Variants in DTNB observed in about 807,000 individuals in gnomAD.
The protein encoded by DTNB is dystrobrevin beta.
DTNB carries 63 observed loss-of-function variants against 90.7 expected under a neutral mutation model. The ratio of observed to expected loss-of-function variants is 0.69; its 90% CI spans 0.57 to 0.86. The LOEUF (loss-of-function observed/expected upper bound fraction) is 0.86. Ranked by LOEUF, DTNB falls within the 40% of genes least tolerant of loss-of-function variation. DTNB has a pLI of 0.00. For missense variants in DTNB, 744 were observed against 807.1 expected, an observed-to-expected ratio of 0.92 and a Z score of 0.95; for synonymous variants, 277 against 286.7, an observed-to-expected ratio of 0.97 and a Z score of 0.34.
At chr2:25,397,173 A>C (rs2042586777) in intron 16 of DTNB, among the ~76,000 whole-genome samples, 2 of 152,014 alleles carry the variant, frequency 1.3e-5, no homozygotes, top group Non-Finnish European at 2.9e-5. Context: ...CCAAATGTTC[A>C]TAGCAGCGTT....
At chr2:25,644,099 T>C (rs939554249) in intron 2 of DTNB, among the ~76,000 whole-genome samples, 7 of 152,226 alleles carry the variant, frequency 4.6e-5, no homozygotes, top group African/African-American at 1.7e-4. Flanking sequence ...CCACCTCTTG[T>C]TTAGCATATC....
chr2:25,612,967 T>C (rs1274397465), intron 4 of DTNB, among the ~76,000 whole-genome samples: 1 of 152,194 alleles, frequency 6.6e-6, no homozygotes, highest in Non-Finnish European at 1.5e-5. Context: ...CTGAAGGCTG[T>C]ACTGGAGATC....
chr2:25,445,725 CTT>C, intron 12 of DTNB, among the ~76,000 whole-genome samples: 1 of 152,144 alleles, frequency 6.6e-6, no homozygotes, highest in Non-Finnish European at 1.5e-5. Context: ...ACTTCATTCT[CTT>C]TACCTGGTTA....
At chr2:25,417,654 G>A (rs1482011392) in intron 16 of DTNB, among the ~76,000 whole-genome samples, 2 of 152,184 alleles carry the variant, frequency 1.3e-5, no homozygotes, top group Non-Finnish European at 2.9e-5. Context: ...TTTGCAGCAA[G>A]TAGCTGCAGC....
At chr2:25,463,954 G>A (rs1298932422) in intron 10 of DTNB, among the ~76,000 whole-genome samples, 1 of 152,186 alleles carries the variant, frequency 6.6e-6, no homozygotes, top group African/African-American at 2.4e-5. Context: ...AGGCTGCACT[G>A]GAGTGCAGTG....
chr2:25,470,008 C>G (rs774025519), intron 10 of DTNB, among the ~76,000 whole-genome samples: 1 of 152,178 alleles, frequency 6.6e-6, no homozygotes, highest in Non-Finnish European at 1.5e-5. Flanking sequence ...GAGACCAGAT[C>G]GCCCCAAGAA....
chr2:25,664,126 A>C (rs1490593708), intron 1 of DTNB, among the ~76,000 whole-genome samples: 1 of 152,212 alleles, frequency 6.6e-6, no homozygotes, highest in African/African-American at 2.4e-5. Flanking sequence ...AGTGTATATA[A>C]GTCCATATTT....
chr2:25,389,712 C>T (rs2040532926), intron 16 of DTNB, among the ~76,000 whole-genome samples: 1 of 151,936 alleles, frequency 6.6e-6, no homozygotes, highest in Admixed American at 6.6e-5. Flanking sequence ...AGCTAGAAAC[C>T]CCATATACAA....
chr2:25,669,899 T>C (rs1438056036), intron 1 of DTNB, among the ~76,000 whole-genome samples: 3 of 148,860 alleles, frequency 2.0e-5, no homozygotes, highest in Non-Finnish European at 4.4e-5. Context: ...AGGAAGACCC[T>C]ATCTCAAAAA....
chr2:25,659,365 AT>A (rs1256071909), intron 1 of DTNB, among the ~76,000 whole-genome samples: 1 of 152,218 alleles, frequency 6.6e-6, no homozygotes, highest in Non-Finnish European at 1.5e-5. Context: ...ACAGTAACAA[AT>A]TCAAAAGAAT....
At chr2:25,449,018 A>G (rs2058857764) in intron 12 of DTNB, among the ~76,000 whole-genome samples, 1 of 152,150 alleles carries the variant, frequency 6.6e-6, no homozygotes, top group African/African-American at 2.4e-5. Flanking sequence ...TTATCTGATT[A>G]TGATTAGGAG....
At chr2:25,624,418 C>A (rs1268164093) in intron 4 of DTNB, among the ~76,000 whole-genome samples, 4 of 152,192 alleles carry the variant, frequency 2.6e-5, no homozygotes, top group Non-Finnish European at 4.4e-5. Context: ...AAAGAGGAGG[C>A]ATTTAGTAGA....
At chr2:25,645,259 T>C (rs1379401087) in intron 2 of DTNB, among the ~76,000 whole-genome samples, 1 of 151,104 alleles carries the variant, frequency 6.6e-6, no homozygotes, top group Non-Finnish European at 1.5e-5. Flanking sequence ...GGTGCACGCC[T>C]GTAATCCCAG....
chr2:25,534,601 G>A (rs911164428), intron 8 of DTNB, among the ~76,000 whole-genome samples: 2 of 151,172 alleles, frequency 1.3e-5, no homozygotes, highest in Non-Finnish European at 3.0e-5. Context: ...GCTGGGCAGA[G>A]GCACTCCTCA....
chr2:25,501,814 T>C (rs1307686778), intron 9 of DTNB, among the ~76,000 whole-genome samples: 1 of 152,158 alleles, frequency 6.6e-6, no homozygotes, highest in Admixed American at 6.5e-5. Context: ...ATCCTGAGTA[T>C]TAAATTAAAT....
At position 25,506,923 on chromosome 2, in the gene DTNB, A is replaced by T. The variant is rs181670088; in HGVS notation, c.1002-24050T>A. Reference sequence around the variant, plus strand: ...ATCTCTCACCAAAATTCAATAATTAACACAAAGCATCAAAGAATACAAAAA... The same window carrying T: ...ATCTCTCACCAAAATTCAATAATTATCACAAAGCATCAAAGAATACAAAAA... On this transcript the variant is annotated intron_variant, in intron 9 of 20. Coordinates refer to ENST00000406818, the MANE Select transcript of DTNB (RefSeq NM_021907.5). Among the ~76,000 whole-genome samples, 268 of 152,334 alleles carry T rather than the reference A, an allele frequency of 1.8e-3. 1 individual carries two copies. Among genetic ancestry groups the T allele is most frequent in the African/African-American group, 6.3e-3 (260 of 41,588 alleles).
intron 8 of DTNB, among the ~76,000 whole-genome samples, chr2:25,555,001 T>A (rs193083290): frequency 8.5e-4 from 130 of 152,158 alleles, no homozygotes; most frequent in East Asian, 2.1e-3. Flanking sequence ...TTCTTTTTTT[T>A]AAAAAAAGAT....
At chr2:25,476,067 T>C (rs77544928) in intron 10 of DTNB, among the ~76,000 whole-genome samples, 1 of 9,582 alleles carries the variant, frequency 1.0e-4, no homozygotes, top group Admixed American at 1.1e-3. Context: ...AAGAAGTAAT[T>C]TTTTTTTTTT....
In DTNB at chr2:25,570,153, C is replaced by CTGTAA. The variant is rs1192024356; in HGVS notation, c.876+6680_876+6684dup. Among the ~76,000 whole-genome samples, 4 of 151,006 alleles carry CTGTAA rather than the reference C, an allele frequency of 2.6e-5. No individual in the cohort carries two copies. The East Asian group carries it at 7.7e-4, about 29-fold the overall frequency. ...GAGGGCTGGGCTCCATGGCTTATGCCTGTAATCCCAGCACAGGAAGGTAGA... is the reference window on the plus strand; with the variant it reads ...GAGGGCTGGGCTCCATGGCTTATGCCTGTAATGTAATCCCAGCACAGGAAGGTAGA... On this transcript the variant is annotated intron_variant, in intron 8 of 20. Coordinates refer to ENST00000406818, the MANE Select transcript of DTNB (RefSeq NM_021907.5).
Sources: allele counts gnomAD v4.1 joint callset (sites outside exome capture counted in the v4.1 genomes callset), GRCh38; gene constraint gnomAD v4.1.1; transcripts MANE v1.5; gene names NCBI Gene and HGNC (gene_info 2026-07-23, HGNC 2026-07-21).